The following LIPI variants were observed in gnomAD, a reference collection of about 807,000 sequenced individuals.
LIPI encodes the protein lipase I, also known as lipase member I.
In LIPI, 59 loss-of-function variants were observed where a neutral mutation model predicts 50.6. That is an observed-to-expected ratio of 1.16 (90% CI 0.94 to 1.45). The LOEUF (loss-of-function observed/expected upper bound fraction) is 1.45, where lower values mean the gene tolerates loss of function less well. LIPI is among the 40% of genes most tolerant of loss of function. The pLI is 0.00. For missense variants in LIPI, 586 were observed against 536.3 expected, an observed-to-expected ratio of 1.09 and a Z score of -0.92; for synonymous variants, 203 against 178.2, an observed-to-expected ratio of 1.14 and a Z score of -1.11.
intron 4 of LIPI, among the ~76,000 whole-genome samples, chr21:14,170,188 C>T (rs1016877357): frequency 6.6e-6 from 1 of 152,154 alleles, no homozygotes; most frequent in Non-Finnish European, 1.5e-5. Context: ...TCTGAATAAA[C>T]CAGTAACAGG....
At chr21:14,143,879 G>A (rs1417584380) in intron 9 of LIPI, 2 of 154,346 alleles carry the variant, frequency 1.3e-5, no homozygotes, top group Non-Finnish European at 2.9e-5. Context: ...CATATGAAAT[G>A]TCATAAGAAA....
chr21:14,150,398 TTC>T (rs901740464), intron 8 of LIPI, among the ~76,000 whole-genome samples: 1 of 152,226 alleles, frequency 6.6e-6, no homozygotes, highest in South Asian at 2.1e-4. Flanking sequence ...TCCTTGATTC[TTC>T]TCTGGGCTCC....
Position 14,144,622 on chromosome 21 carries a change from C to A in LIPI, c.1295+1G>T, listed in dbSNP as rs991757558. On this transcript the variant is annotated splice_donor_variant, in intron 9 of 9. Transcript: ENST00000681601. LOFTEE classifies it high-confidence loss of function. ...TTGAAATCAAAATTTAATTTTCTTA[C>A]CTTTCTGGGTATGTAAGTGATTTTA... 1.1e-5 allele frequency: 16 copies of A among 1,477,442 alleles called. No homozygotes were observed. The highest frequency in any genetic ancestry group is 1.5e-5 in the Non-Finnish European group (16 of 1,062,382). 91.5% of individuals were successfully genotyped at this position (1,477,442 alleles called of 1,614,324 possible).
intron 1 of LIPI, among the ~76,000 whole-genome samples, chr21:14,190,096 C>G (rs1379596054): frequency 6.6e-6 from 1 of 152,032 alleles, no homozygotes; most frequent in Non-Finnish European, 1.5e-5. Flanking sequence ...TGTAAAACAT[C>G]TTAAATCTCA....
chr21:14,165,410 AC>A lies in LIPI; in HGVS notation c.734-21del. On this transcript the variant is annotated intron_variant, in intron 5 of 9. Transcript: ENST00000681601. ...GAATTCCTTAAGGGTTAAAAAAAAA[AC>A]AAAGAACTGTAGATGTATTAAGCCA... 2 of 1,574,264 alleles carry A rather than the reference AC, an allele frequency of 1.3e-6. No homozygotes were observed. Among genetic ancestry groups the A allele is most frequent in the East Asian group, 2.2e-5 (1 of 44,490 alleles).
intron 9 of LIPI, among the ~76,000 whole-genome samples, chr21:14,124,580 G>T (rs2016984459): frequency 6.6e-6 from 1 of 152,110 alleles, no homozygotes; most frequent in Admixed American, 6.5e-5. Context: ...TGGTTTCCCA[G>T]GTATGTGTAA....
chr21:14,205,690 T>G (rs1045954142), intron 1 of LIPI, among the ~76,000 whole-genome samples: 2 of 152,054 alleles, frequency 1.3e-5, no homozygotes, highest in Non-Finnish European at 2.9e-5. Context: ...ATTTTTAGTT[T>G]CCTATGTCTA....
At chr21:14,173,418 C>A (rs893661722) in intron 4 of LIPI, among the ~76,000 whole-genome samples, 1 of 152,180 alleles carries the variant, frequency 6.6e-6, no homozygotes, top group Non-Finnish European at 1.5e-5. Flanking sequence ...CCCTGTAGAT[C>A]ATTGGACCAC....
chr21:14,206,723 G>T, intron 1 of LIPI: 1 of 754,302 alleles, frequency 1.3e-6, no homozygotes, highest in Non-Finnish European at 2.3e-6. Context: ...TTTATATTCA[G>T]CTATCACTTC....
chr21:14,117,490 G>A (rs1415974958), intron 9 of LIPI, among the ~76,000 whole-genome samples: 1 of 152,186 alleles, frequency 6.6e-6, no homozygotes, highest in African/African-American at 2.4e-5. Flanking sequence ...TCCAGGCTGG[G>A]ACTGAAATCA....
intron 4 of LIPI, among the ~76,000 whole-genome samples, chr21:14,175,781 A>G (rs868607330): frequency 1.8e-4 from 28 of 152,232 alleles, no homozygotes; most frequent in Middle Eastern, 3.4e-3. Context: ...TACTGATACT[A>G]GCTGTGTCTT....
At chr21:14,162,507 C>T (rs2018533102) in intron 7 of LIPI, among the ~76,000 whole-genome samples, 1 of 151,772 alleles carries the variant, frequency 6.6e-6, no homozygotes. Flanking sequence ...GTATCAATGT[C>T]AATATCCTGC....
chr21:14,138,165 T>C (rs868843671), intron 9 of LIPI, among the ~76,000 whole-genome samples: 14 of 152,032 alleles, frequency 9.2e-5, no homozygotes, highest in Middle Eastern at 3.4e-3. Flanking sequence ...AATATATTCA[T>C]GTGAGAAATA....
intron 5 of LIPI, 30 bp downstream of exon 5, chr21:14,166,332 G>C (rs553176390): frequency 1.8e-6 from 2 of 1,117,426 alleles, no homozygotes; most frequent in South Asian, 1.2e-5. Context: ...CGAATATTAT[G>C]TAGTTCATTC....
intron 4 of LIPI, among the ~76,000 whole-genome samples, chr21:14,174,737 C>G (rs569632514): frequency 5.9e-5 from 9 of 152,000 alleles, no homozygotes; most frequent in Admixed American, 5.9e-4. Flanking sequence ...GTATTTTTAG[C>G]AGAGATGGGC....
rs1353821664 is a variant in LIPI at position 14,119,755 on chromosome 21, C to T, written c.1296-10675G>A. Among the ~76,000 whole-genome samples, 3 of 152,168 alleles carry T rather than the reference C, an allele frequency of 2.0e-5. No homozygotes were observed. The East Asian group carries it at 5.8e-4, about 29-fold the overall frequency. On this transcript the variant is annotated intron_variant, in intron 9 of 9. Transcript: ENST00000681601. Reference sequence around the variant, plus strand: ...GGCTACAGTAGTCTTAGTGCAAATGCTAGGGTCATGGTATTGGCCTGTAGC... The same window carrying T: ...GGCTACAGTAGTCTTAGTGCAAATGTTAGGGTCATGGTATTGGCCTGTAGC...
intron 9 of LIPI, among the ~76,000 whole-genome samples, chr21:14,132,261 T>C (rs912153501): frequency 1.3e-5 from 2 of 152,228 alleles, no homozygotes; most frequent in Non-Finnish European, 2.9e-5. Context: ...TGTGGCATAT[T>C]ACCTTTAGGA....
chr21:14,123,369 C>A (rs1394125854), intron 9 of LIPI, among the ~76,000 whole-genome samples: 3 of 152,084 alleles, frequency 2.0e-5, no homozygotes, highest in Non-Finnish European at 4.4e-5. Flanking sequence ...CTAGACACTA[C>A]AAATGTTTGG....
intron 4 of LIPI, among the ~76,000 whole-genome samples, chr21:14,176,623 G>A (rs115016511): frequency 0.013 from 1,954 of 150,400 alleles, 35 homozygotes; most frequent in African/African-American, 0.044. Context: ...TTTGGATTAA[G>A]TGCATTAAAG....
Sources: allele counts gnomAD v4.1 joint callset (sites outside exome capture counted in the v4.1 genomes callset), GRCh38; gene constraint gnomAD v4.1.1; transcripts MANE v1.5; gene names NCBI Gene and HGNC (gene_info 2026-07-23, HGNC 2026-07-21).